The following WWOX variants were observed in gnomAD, a reference collection of about 807,000 sequenced individuals.
WWOX encodes the protein WW domain-containing oxidoreductase.
Under a neutral mutation model 46.2 loss-of-function variants are expected in WWOX, and 69 were observed. The ratio of observed to expected loss-of-function variants is 1.49; its 90% confidence interval spans 1.23 to 1.82. WWOX has a LOEUF of 1.82. WWOX is among the 40% of genes most tolerant of loss of function. The pLI is 0.00. For missense variants in WWOX, 919 were observed against 542.6 expected (o/e 1.69, Z -6.89); for synonymous variants, 359 against 202.6 (o/e 1.77, Z -6.56).
At chr16:78,858,726 C>G (rs371567841) in intron 8 of WWOX, among the ~76,000 whole-genome samples, 2 of 151,852 alleles carry the variant, frequency 1.3e-5, no homozygotes, top group Non-Finnish European at 2.9e-5. Flanking sequence ...ATCACCCATT[C>G]TGTAGTGCAG....
chr16:78,893,380 C>T (rs948786249), intron 8 of WWOX, among the ~76,000 whole-genome samples: 16 of 152,094 alleles, frequency 1.1e-4, no homozygotes, highest in Admixed American at 2.6e-4. Flanking sequence ...ATACCAGGCT[C>T]CCCCATTCAG....
chr16:78,337,459 C>G (rs534613232), intron 5 of WWOX, among the ~76,000 whole-genome samples: 4 of 152,188 alleles, frequency 2.6e-5, no homozygotes, highest in Non-Finnish European at 5.9e-5. Flanking sequence ...ACATTTGCTA[C>G]AATTAATAAA....
chr16:78,510,797 A>C (rs1169546155), intron 8 of WWOX, among the ~76,000 whole-genome samples: 2 of 152,220 alleles, frequency 1.3e-5, no homozygotes, highest in Non-Finnish European at 2.9e-5. Context: ...GTGTTTGTTA[A>C]ACATTTACCA....
At chr16:79,053,053 CCTTTAGATGCT>C (rs944318537) in intron 8 of WWOX, among the ~76,000 whole-genome samples, 1 of 151,870 alleles carries the variant, frequency 6.6e-6, no homozygotes, top group Non-Finnish European at 1.5e-5. Flanking sequence ...AATTAGATGC[CCTTTAGATGCT>C]CTTAGTTAAA....
At chr16:78,355,736 T>C (rs1273200261) in intron 5 of WWOX, 10 of 720,514 alleles carry the variant, frequency 1.4e-5, no homozygotes, top group African/African-American at 7.3e-5. Context: ...TGAGGAAACA[T>C]ATGAAGAGAC....
intron 8 of WWOX, among the ~76,000 whole-genome samples, chr16:78,930,656 T>TGTTAATTGCAGTTAATTGCA (rs1468907640): frequency 5.4e-4 from 82 of 151,792 alleles, no homozygotes; most frequent in African/African-American, 1.8e-3. Context: ...TTGGGTTTCC[T>TGTTAATTGCAGTTAATTGCA]GTTAATTGCA....
At chr16:78,668,398 G>C (rs964940983) in intron 8 of WWOX, among the ~76,000 whole-genome samples, 6 of 152,234 alleles carry the variant, frequency 3.9e-5, no homozygotes, top group South Asian at 2.1e-4. Flanking sequence ...AGGACCACAA[G>C]ATAAATGTCG....
chr16:78,726,224 CCTTTTTTCTT>C (rs1199694077), intron 8 of WWOX, among the ~76,000 whole-genome samples: 1 of 149,658 alleles, frequency 6.7e-6, no homozygotes, highest in Non-Finnish European at 1.5e-5. Context: ...TTCCTTCCTT[CCTTTTTTCTT>C]CTTTTTTTTG....
chr16:78,672,455 C>G (rs926872248), intron 8 of WWOX, among the ~76,000 whole-genome samples: 1 of 152,158 alleles, frequency 6.6e-6, no homozygotes, highest in Non-Finnish European at 1.5e-5. Context: ...GGTGTGTGCA[C>G]TCCTCATGTT....
chr16:79,132,450 C>T (rs931290896), intron 8 of WWOX, among the ~76,000 whole-genome samples: 6 of 152,182 alleles, frequency 3.9e-5, no homozygotes, highest in East Asian at 3.9e-4. Flanking sequence ...AATAGTGTTT[C>T]GTGATTAAAA....
In WWOX at chr16:78,759,497, C is replaced by G. The variant is rs542732712; in HGVS notation, c.1056+326745C>G. On this transcript the variant is annotated intron_variant, in intron 8 of 8. Coordinates refer to ENST00000566780, the MANE Select transcript of WWOX (RefSeq NM_016373.4). ...TTTGCCCTTGAAGCCTCTTGACATA[C>G]AGTGTCATCAAGGAGCAGTGGGTGA... is the stretch of plus-strand genomic sequence containing the variant. Among the ~76,000 whole-genome samples, 5 of 152,248 alleles carry G rather than the reference C, an allele frequency of 3.3e-5. No individual in the cohort carries two copies. In the South Asian group the frequency reaches 1.0e-3, roughly 32 times the overall value.
At chr16:78,928,619 A>G (rs1370698189) in intron 8 of WWOX, among the ~76,000 whole-genome samples, 1 of 152,064 alleles carries the variant, frequency 6.6e-6, no homozygotes, top group Non-Finnish European at 1.5e-5. Flanking sequence ...TTCTAAATAG[A>G]TGAAATGAAA....
At chr16:78,825,041 C>A (rs1428748703) in intron 8 of WWOX, among the ~76,000 whole-genome samples, 1 of 152,244 alleles carries the variant, frequency 6.6e-6, no homozygotes, top group African/African-American at 2.4e-5. Context: ...TCCCCTAAAC[C>A]CTACAAGGCT....
At chr16:79,087,577 C>T (rs1056414631) in intron 8 of WWOX, among the ~76,000 whole-genome samples, 1 of 151,844 alleles carries the variant, frequency 6.6e-6, no homozygotes, top group Admixed American at 6.5e-5. Context: ...CTGTGCTGGA[C>T]AAGAAGTCCT....
chr16:78,999,274 C>T (rs1021879186), intron 8 of WWOX, among the ~76,000 whole-genome samples: 4 of 151,954 alleles, frequency 2.6e-5, no homozygotes, highest in Admixed American at 6.6e-5. Context: ...AGTTCGAGAC[C>T]AGCCTGACCA....
intron 8 of WWOX, among the ~76,000 whole-genome samples, chr16:78,985,337 G>C (rs189350764): frequency 1.3e-5 from 2 of 152,196 alleles, no homozygotes; most frequent in Admixed American, 6.5e-5. Context: ...CCGGCACGCA[G>C]GGTGTTGTGT....
chr16:79,100,992 A>AG (rs901333157), intron 8 of WWOX: 1 of 152,604 alleles, frequency 6.6e-6, no homozygotes, highest in Non-Finnish European at 1.5e-5. Context: ...TGTGGTGGGC[A>AG]GGGGGGTGTG....
chr16:78,181,529 G>A (rs2035532445), intron 5 of WWOX, among the ~76,000 whole-genome samples: 1 of 152,174 alleles, frequency 6.6e-6, no homozygotes. Flanking sequence ...ATGAAACTAA[G>A]GCCGGAGCGG....
rs113052556 is a variant in WWOX, at chr16:78,544,704, A to G, written c.1056+111952A>G. Reference sequence around the variant, plus strand: ...CCTGGGCAACAGAGCCAGACCATCCATCTCTACAAAAAATTTAAAAATTAG... The same window carrying G: ...CCTGGGCAACAGAGCCAGACCATCCGTCTCTACAAAAAATTTAAAAATTAG... On this transcript the variant is annotated intron_variant, in intron 8 of 8. Coordinates refer to ENST00000566780, the MANE Select transcript of WWOX (RefSeq NM_016373.4). Among the ~76,000 whole-genome samples, 43 of 151,272 alleles carry G rather than the reference A, an allele frequency of 2.8e-4. 1 individual carries two copies. Among genetic ancestry groups the G allele is most frequent in the African/African-American group, 9.7e-4 (40 of 41,172 alleles).
Sources: allele counts gnomAD v4.1 joint callset (sites outside exome capture counted in the v4.1 genomes callset), GRCh38; gene constraint gnomAD v4.1.1; transcripts MANE v1.5; gene names NCBI Gene and HGNC (gene_info 2026-07-23, HGNC 2026-07-21).